EDA: variants seen among roughly 807,000 people sequenced by gnomAD.
EDA encodes ectodysplasin-A.
Under a neutral mutation model 23.6 loss-of-function variants are expected in EDA, and 2 were observed. That is an observed-to-expected ratio of 0.08 (90% confidence interval 0.03 to 0.27). The LOEUF (loss-of-function observed/expected upper bound fraction) is 0.27, where lower values mean the gene tolerates loss of function less well. EDA is among the 10% of genes least tolerant of loss of function. EDA has a pLI of 1.00. For missense variants in EDA, 229 were observed against 324.2 expected (o/e 0.71, Z 2.26); for synonymous variants, 131 against 132.0 (o/e 0.99, Z 0.05).
intron 1 of EDA, among the ~76,000 whole-genome samples, chrX:69,782,953 G>A (rs2014999919): frequency 8.9e-6 from 1 of 111,832 alleles, no homozygotes. Flanking sequence ...TTGAAGCCAC[G>A]TCAACAAACT....
At chrX:69,853,116 AATT>A (rs1167237385) in intron 1 of EDA, among the ~76,000 whole-genome samples, 3 of 112,075 alleles carry the variant, frequency 2.7e-5, no homozygotes, top group African/African-American at 9.7e-5. Context: ...ATACAACAGA[AATT>A]ATCAGATAAC....
intron 1 of EDA, among the ~76,000 whole-genome samples, chrX:69,920,962 AT>A (rs2018422164): frequency 1.8e-5 from 2 of 109,092 alleles, no homozygotes; most frequent in Non-Finnish European, 3.8e-5. Flanking sequence ...TTATTTATTT[AT>A]TTATTTATTT....
chrX:69,793,570 G>GTTTTTTTTTTTTTTTTTTTTTTTTTTTT (rs67241807), intron 1 of EDA, among the ~76,000 whole-genome samples: 4 of 58,767 alleles, frequency 6.8e-5, no homozygotes, highest in East Asian at 6.4e-4. Flanking sequence ...GTTTGTTTTT[G>GTTTTTTTTTTTTTTTTTTTTTTTTTTTT]TTTTTTTTTT....
chrX:69,786,671 T>C, intron 1 of EDA, among the ~76,000 whole-genome samples: 1 of 109,016 alleles, frequency 9.2e-6, no homozygotes, highest in Middle Eastern at 4.7e-3. Flanking sequence ...TGTTATAATT[T>C]CTGTTCTTTT....
chrX:69,890,389 A>G (rs1313546232), intron 1 of EDA, among the ~76,000 whole-genome samples: 2 of 110,445 alleles, frequency 1.8e-5, no homozygotes, highest in Non-Finnish European at 3.8e-5. Flanking sequence ...TAAAATTTAT[A>G]TGGAACCAAA....
intron 1 of EDA, among the ~76,000 whole-genome samples, chrX:69,720,500 A>T (rs2012540781): frequency 9.0e-6 from 1 of 111,326 alleles, no homozygotes; most frequent in Non-Finnish European, 1.9e-5. Context: ...CAATGATATG[A>T]GTATTAGATC....
At chrX:69,652,136 C>T (rs1338969362) in intron 1 of EDA, among the ~76,000 whole-genome samples, 1 of 111,157 alleles carries the variant, frequency 9.0e-6, no homozygotes, top group African/African-American at 3.3e-5. Context: ...TAAGTACAAC[C>T]TGTCACCGAG....
Position 69,664,076 on chromosome X carries a change from T to C in EDA, c.396+47372T>C, listed in dbSNP as rs375815870. Among the ~76,000 whole-genome samples the C allele has an allele frequency of 9.8e-5, 11 of 112,071 alleles. No homozygotes were observed. The South Asian group carries it at 4.1e-3, about 42-fold the overall frequency. On this transcript the variant is annotated intron_variant, in intron 1 of 7. Coordinates refer to ENST00000374552, the MANE Select transcript of EDA (RefSeq NM_001399.5). ...TTGTGTCAAATGAGACTTTGATCTG[T>C]GGACTTTTGAGTTAATGCTGAAATG...
chrX:69,775,773 C>A (rs756697820), intron 1 of EDA, among the ~76,000 whole-genome samples: 13 of 111,886 alleles, frequency 1.2e-4, no homozygotes, highest in Non-Finnish European at 2.3e-4. Context: ...ATAGTTACAA[C>A]CTATATCTGT....
At chrX:69,979,635 T>C (rs2147449615) in intron 2 of EDA, among the ~76,000 whole-genome samples, 1 of 112,127 alleles carries the variant, frequency 8.9e-6, no homozygotes, top group Non-Finnish European at 1.9e-5. Context: ...ATTTCCCTGA[T>C]GACCGATGAT....
intron 1 of EDA, among the ~76,000 whole-genome samples, chrX:69,848,415 C>G (rs1052613944): frequency 1.8e-5 from 2 of 111,274 alleles, no homozygotes; most frequent in Admixed American, 9.6e-5. Flanking sequence ...TTCATTGGCT[C>G]TATGCCATTT....
At chrX:69,793,564 G>GTTTTTTTTTTTTTT (rs1362047098) in intron 1 of EDA, among the ~76,000 whole-genome samples, 2 of 32,895 alleles carry the variant, frequency 6.1e-5, no homozygotes, top group African/African-American at 3.4e-4. Flanking sequence ...TTGTTTGTTT[G>GTTTTTTTTTTTTTT]TTTTTGTTTT....
chrX:69,720,878 C>T (rs762117993), intron 1 of EDA, among the ~76,000 whole-genome samples: 1 of 111,419 alleles, frequency 9.0e-6, no homozygotes, highest in Non-Finnish European at 1.9e-5. Context: ...ATTGTCTTTT[C>T]TTCTTCAAGT....
intron 2 of EDA, among the ~76,000 whole-genome samples, chrX:69,976,458 C>T (rs1388378738): frequency 9.0e-6 from 1 of 111,507 alleles, no homozygotes; most frequent in Non-Finnish European, 1.9e-5. Flanking sequence ...TCCCCTCACC[C>T]CAAAAAAGTG....
chrX:69,655,194 G>A (rs1004410427), intron 1 of EDA, among the ~76,000 whole-genome samples: 2 of 111,319 alleles, frequency 1.8e-5, no homozygotes, highest in African/African-American at 3.3e-5. Flanking sequence ...TCGGGAGTTC[G>A]AGACCAGCCT....
intron 1 of EDA, among the ~76,000 whole-genome samples, chrX:69,653,978 C>T (rs1393296037): frequency 1.8e-5 from 2 of 111,462 alleles, no homozygotes; most frequent in African/African-American, 6.5e-5. Flanking sequence ...AGAGCTTCTG[C>T]ACAGCAAAAG....
intron 2 of EDA, among the ~76,000 whole-genome samples, chrX:69,961,028 A>G (rs374403328): frequency 9.9e-6 from 1 of 100,779 alleles, no homozygotes; most frequent in African/African-American, 3.4e-5. Flanking sequence ...AAAAAAAGAA[A>G]AAAAAAGAAA....
intron 1 of EDA, among the ~76,000 whole-genome samples, chrX:69,656,904 G>A (rs1391698713): frequency 8.9e-6 from 1 of 111,960 alleles, no homozygotes; most frequent in Admixed American, 9.5e-5. Flanking sequence ...CACTGTTGAT[G>A]GGCACCTGGG....
chrX:69,981,686 C>T (rs2019410020), intron 2 of EDA, among the ~76,000 whole-genome samples: 1 of 112,221 alleles, frequency 8.9e-6, no homozygotes, highest in African/African-American at 3.2e-5. Context: ...TGAATACCAA[C>T]TTTGTGCCCT....
Sources: allele counts gnomAD v4.1 joint callset (sites outside exome capture counted in the v4.1 genomes callset), GRCh38; gene constraint gnomAD v4.1.1; transcripts MANE v1.5; gene names NCBI Gene and HGNC (gene_info 2026-07-23, HGNC 2026-07-21).